ZNF611: variants seen among roughly 807,000 people sequenced by gnomAD.
The protein encoded by ZNF611 is zinc finger protein 611.
In ZNF611, 6 loss-of-function variants were observed where a neutral mutation model predicts 8.9. The ratio of observed to expected loss-of-function variants is 0.68; its 90% CI spans 0.37 to 1.34. The LOEUF (loss-of-function observed/expected upper bound fraction) is 1.34. Among genes scored for constraint, ZNF611 ranks in the 40% most tolerant of loss-of-function variants. The pLI is 0.02. For missense variants in ZNF611, 874 were observed against 841.3 expected (o/e 1.04, Z -0.48); for synonymous variants, 262 against 279.7 (o/e 0.94, Z 0.63).
intron 2 of ZNF611, 167 bp downstream of exon 2, chr19:52,729,739 T>C (rs796485336): frequency 1.3e-5 from 2 of 152,250 alleles, no homozygotes; most frequent in African/African-American, 4.8e-5. Flanking sequence ...TAAGTACATT[T>C]ATATAGGCTG....
chr19:52,706,762 A>G lies in ZNF611; in HGVS notation c.293T>C (p.Ile98Thr), dbSNP rs781535435. ...AATTTCCTGGAAGCAAAAATCTCCA[A>G]TGTGATGACTTTCATGTCTTTGCAA... ...GTLQRHESHH[I>T]GDFCFQEIEK... Residue 98 changes from isoleucine (I) to threonine (T), a missense_variant, in exon 6 of 6, where the codon ATT (isoleucine) becomes ACT (threonine). Coordinates refer to ENST00000652185, the MANE Select transcript of ZNF611 (RefSeq NM_001161499.2). The G allele has an allele frequency of 2.5e-6, 4 of 1,614,168 alleles. No homozygotes were observed. Among genetic ancestry groups the G allele is most frequent in the Non-Finnish European group, 2.5e-6 (3 of 1,180,020 alleles).
At chr19:52,722,340 C>A (rs1335019032) in intron 3 of ZNF611, among the ~76,000 whole-genome samples, 3 of 152,106 alleles carry the variant, frequency 2.0e-5, no homozygotes, top group Non-Finnish European at 2.9e-5. Flanking sequence ...GTAGATAACG[C>A]CATTGTACTC....
chr19:52,717,772 T>C (rs2062327478), intron 3 of ZNF611: 1 of 838,722 alleles, frequency 1.2e-6, no homozygotes, highest in African/African-American at 1.8e-5. Flanking sequence ...TTTCAGATGA[T>C]ATGAGGAAAG....
rs1026418920 is a variant in ZNF611, at chr19:52,706,940, C to CA, written c.191-77dup. On this transcript the variant is annotated intron_variant, in intron 5 of 5. Transcript: ENST00000652185. ...CACACTGAAGTGCATAAATATGACA[C>CA]AAAAAACGATACTTATTTTGAACTT... 4.3e-5 allele frequency: 66 copies of CA among 1,521,696 alleles called. 1 individual carries two copies. In the Middle Eastern group the frequency reaches 7.1e-4, roughly 16 times the overall value. 94.3% of individuals were successfully genotyped at this position (1,521,696 alleles called of 1,614,324 possible).
intron 3 of ZNF611, among the ~76,000 whole-genome samples, chr19:52,726,133 G>A (rs1361184541): frequency 1.3e-5 from 2 of 152,202 alleles, no homozygotes; most frequent in Non-Finnish European, 2.9e-5. Context: ...CACTCAGGAG[G>A]GAGAGTCCAC....
intron 5 of ZNF611, chr19:52,707,252 TAAA>T (rs59927537): frequency 3.0e-5 from 3 of 99,990 alleles, no homozygotes; most frequent in Non-Finnish European, 6.3e-5. Context: ...AAATAAATGC[TAAA>T]AAAAAAAAAA....
chr19:52,712,100 C>T (rs113714236), intron 5 of ZNF611, among the ~76,000 whole-genome samples: 216 of 152,184 alleles, frequency 1.4e-3, no homozygotes, highest in African/African-American at 4.8e-3. Context: ...TGCAGCAGTA[C>T]GGTGGCCTGA....
chr19:52,731,095 C>T (rs899645961), intron 1 of ZNF611, among the ~76,000 whole-genome samples: 7 of 151,554 alleles, frequency 4.6e-5, no homozygotes, highest in African/African-American at 1.7e-4. Context: ...CAGAGTCTCA[C>T]TCTGTCACCC....
In ZNF611 at chr19:52,706,438, T is replaced by C; in HGVS notation, c.617A>G (p.Asn206Ser). ...ISCRPQTQIS[N>S]NYGNNPLNSS... ...ATTCAGGGGATTATTCCCATAGTTA[T>C]TAGAAATCTGGGTTTGGGGCCTACA... The change falls in exon 6 of 6, where the codon AAT (asparagine) becomes AGT (serine). Residue 206 changes from asparagine (N) to serine (S), a missense_variant. Transcript: ENST00000652185. The C allele has an allele frequency of 6.2e-7, 1 of 1,614,190 alleles. No individual in the cohort carries two copies. Among genetic ancestry groups the C allele is most frequent in the Non-Finnish European group, 8.5e-7 (1 of 1,180,026 alleles).
intron 3 of ZNF611, among the ~76,000 whole-genome samples, chr19:52,718,220 G>A (rs57985281): frequency 0.059 from 8,960 of 152,076 alleles, 854 homozygotes; most frequent in African/African-American, 0.2. Context: ...CACACCTGTC[G>A]CCCCAGCTAC....
intron 5 of ZNF611, among the ~76,000 whole-genome samples, chr19:52,711,032 T>TAA (rs764453999): frequency 1.6e-5 from 2 of 125,064 alleles, no homozygotes; most frequent in Admixed American, 8.1e-5. Context: ...AAACTCCATT[T>TAA]AAAAAAAAAA....
chr19:52,732,893 G>A (rs2062434799), intron 1 of ZNF611, among the ~76,000 whole-genome samples: 1 of 152,044 alleles, frequency 6.6e-6, no homozygotes, highest in South Asian at 2.1e-4. Flanking sequence ...GGTCGAGGCT[G>A]CAGTTAGAGG....
At chr19:52,730,739 C>T (rs1240564119) in intron 1 of ZNF611, among the ~76,000 whole-genome samples, 3 of 151,652 alleles carry the variant, frequency 2.0e-5, no homozygotes, top group African/African-American at 7.3e-5. Flanking sequence ...CATGCACCAT[C>T]ACACCCAGCT....
intron 3 of ZNF611, among the ~76,000 whole-genome samples, chr19:52,719,367 T>C (rs73934865): frequency 0.019 from 2,924 of 151,976 alleles, 92 homozygotes; most frequent in African/African-American, 0.066. Flanking sequence ...ACCCCAGCCA[T>C]GAAAAGGGAA....
chr19:52,715,989 G>C (rs1310162961), intron 3 of ZNF611, 76 bp from the exon 4 acceptor site: 55 of 1,546,224 alleles, frequency 3.6e-5, no homozygotes, highest in Admixed American at 1.4e-4. Flanking sequence ...CACGAACGGG[G>C]GAGACGTCAC....
At chr19:52,709,256 T>C (rs1018780144) in intron 5 of ZNF611, among the ~76,000 whole-genome samples, 9 of 152,052 alleles carry the variant, frequency 5.9e-5, no homozygotes, top group Admixed American at 5.3e-4. Flanking sequence ...TTTTTCTTTC[T>C]CTCTTTACTA....
At chr19:52,726,608 A>T (rs936444664) in intron 3 of ZNF611, among the ~76,000 whole-genome samples, 13 of 151,508 alleles carry the variant, frequency 8.6e-5, no homozygotes, top group African/African-American at 3.2e-4. Flanking sequence ...TTAGTAGAGA[A>T]GGGGTTTCAC....
chr19:52,708,686 A>C (rs2147419452), intron 5 of ZNF611: 1 of 152,048 alleles, frequency 6.6e-6, no homozygotes, highest in East Asian at 1.9e-4. Context: ...AATACAAAAA[A>C]ATCAGCTGGG....
At chr19:52,711,670 T>A (rs1452941100) in intron 5 of ZNF611, among the ~76,000 whole-genome samples, 3 of 152,124 alleles carry the variant, frequency 2.0e-5, no homozygotes. Context: ...CCCTCATGGA[T>A]CATGTGCTGA....
Sources: gnomAD v4.1 joint callset for allele counts (sites outside exome capture counted in the v4.1 genomes callset) on GRCh38, gnomAD v4.1.1 for gene constraint, MANE v1.5 for transcripts, NCBI Gene and HGNC (gene_info 2026-07-23, HGNC 2026-07-21) for gene names.